The following RTF2 variants were observed in gnomAD, a reference collection of about 807,000 sequenced individuals.
RTF2 encodes the protein UPF0549 protein C20orf43.
RTF2 carries 18 observed loss-of-function variants against 38.0 expected under a neutral mutation model. The observed-to-expected ratio is 0.47, with a 90% CI of 0.33 to 0.70. RTF2 has a LOEUF of 0.70. Ranked by LOEUF, RTF2 falls within the 30% of genes least tolerant of loss-of-function variation. RTF2 has a pLI of 0.02. For missense variants in RTF2, 311 were observed against 379.6 expected, an observed-to-expected ratio of 0.82 and a Z score of 1.50; for synonymous variants, 126 against 137.1, an observed-to-expected ratio of 0.92 and a Z score of 0.57.
chr20:56,495,486 G>T (rs1224935437), intron 5 of RTF2, among the ~76,000 whole-genome samples: 3 of 152,196 alleles, frequency 2.0e-5, no homozygotes, highest in Non-Finnish European at 4.4e-5. Context: ...GCTTTTGGGG[G>T]TGGGAGCATG....
chr20:56,507,769 C>A lies in RTF2; in HGVS notation c.478-5546C>A, dbSNP rs186877630. 9.6e-4 allele frequency among the ~76,000 whole-genome samples: 146 copies of A among 152,278 alleles called. 1 individual carries two copies. The highest frequency in any genetic ancestry group is 3.4e-3 in the African/African-American group (140 of 41,558). On this transcript the variant is annotated intron_variant, in intron 5 of 8. Coordinates refer to ENST00000357348, the MANE Select transcript of RTF2 (RefSeq NM_016407.5). The stretch of plus-strand genomic sequence containing the variant: ...CGCTGGGTTCCTCCCCACCCCTGGG[C>A]CCTTTACGTCATAGCCACAGCTCCA...
At chr20:56,517,302 C>A in intron 8 of RTF2, 101 bp downstream of exon 8, 1 of 864,814 alleles carries the variant, frequency 1.2e-6, no homozygotes, top group Non-Finnish European at 1.9e-6. Flanking sequence ...AAGCCCAAGC[C>A]TGTCCTATGT....
chr20:56,501,212 T>C (rs1480097623), intron 5 of RTF2, among the ~76,000 whole-genome samples: 1 of 152,174 alleles, frequency 6.6e-6, no homozygotes, highest in Non-Finnish European at 1.5e-5. Context: ...ACTTTTTTTT[T>C]TTCCTTTTAA....
chr20:56,517,229 T>A, intron 8 of RTF2, 28 bp downstream of exon 8: 1 of 1,594,738 alleles, frequency 6.3e-7, no homozygotes, highest in African/African-American at 1.3e-5. Flanking sequence ...TACAGGGAGC[T>A]GTTTCGAGAA....
At chr20:56,491,419 G>T in intron 5 of RTF2, 1 of 659,396 alleles carries the variant, frequency 1.5e-6, no homozygotes, top group Admixed American at 2.8e-5. Flanking sequence ...CAATAGTAAA[G>T]TCTTGTCAAT....
chr20:56,486,606 G>A (rs1982805052), intron 5 of RTF2, among the ~76,000 whole-genome samples: 1 of 152,102 alleles, frequency 6.6e-6, no homozygotes, highest in Non-Finnish European at 1.5e-5. Flanking sequence ...CCAAGATTGT[G>A]CCACTGCATT....
chr20:56,475,965 G>A (rs534337166), intron 3 of RTF2, among the ~76,000 whole-genome samples: 4 of 152,340 alleles, frequency 2.6e-5, no homozygotes, highest in Admixed American at 2.0e-4. Flanking sequence ...TCAGTGAGAC[G>A]TGCTCATTCT....
chr20:56,508,357 G>C lies in RTF2; in HGVS notation c.478-4958G>C, dbSNP rs138073643. Among the ~76,000 whole-genome samples the C allele has an allele frequency of 2.9e-3, 439 of 152,226 alleles. 5 individuals are homozygous for C. Among genetic ancestry groups the C allele is most frequent in the African/African-American group, 8.4e-3 (349 of 41,554 alleles). ...TAATGTTTTCTACAAAAGAGATTCC[G>C]GGCATAGTATGTCTGTTATTGCTCT... On this transcript the variant is annotated intron_variant, in intron 5 of 8. Transcript: ENST00000357348.
chr20:56,479,818 C>CT (rs56227133), intron 4 of RTF2, among the ~76,000 whole-genome samples: 51,486 of 140,478 alleles, frequency 0.37, 10,170 homozygotes, highest in Non-Finnish European at 0.43. Context: ...TGAAAGGAAT[C>CT]TTTTTTTTTT....
At chr20:56,484,040 G>A in intron 4 of RTF2, 71 bp from the exon 5 acceptor site, 1 of 1,328,918 alleles carries the variant, frequency 7.5e-7, no homozygotes, top group East Asian at 2.3e-5. Flanking sequence ...CTTGGCCTTT[G>A]TATCAACCGA....
chr20:56,487,127 G>A (rs533249537), intron 5 of RTF2, among the ~76,000 whole-genome samples: 1 of 152,248 alleles, frequency 6.6e-6, no homozygotes, highest in Admixed American at 6.5e-5. Flanking sequence ...CTGTTAGATG[G>A]GTGCACAGTT....
chr20:56,474,696 C>A lies in RTF2; in HGVS notation c.183C>A (p.Ala61=). 1 of 1,607,954 alleles carries A rather than the reference C, an allele frequency of 6.2e-7. No homozygotes were observed. The highest frequency in any genetic ancestry group is 8.5e-7 in the Non-Finnish European group (1 of 1,177,624). The change falls in exon 3 of 9, where the codon GCC becomes GCA. Residue 61 remains alanine, a synonymous_variant. Transcript: ENST00000357348. ...ATTGCAGACTTTATAACAAAGATGC[C>A]GTCATTGAATTTCTCTTGGACAAAT... ...CELGRLYNKD[A]VIEFLLDKSA... is the part of the protein sequence containing the mutation.
chr20:56,470,570 G>C (rs1246750973), intron 1 of RTF2: 2 of 455,874 alleles, frequency 4.4e-6, no homozygotes, highest in African/African-American at 4.0e-5. Flanking sequence ...TAATTTCCTG[G>C]GTGACGGGAT....
chr20:56,493,431 T>C (rs542776877), intron 5 of RTF2, among the ~76,000 whole-genome samples: 1 of 152,132 alleles, frequency 6.6e-6, no homozygotes, highest in East Asian at 1.9e-4. Flanking sequence ...GCCAAAGTGG[T>C]AGGATCACTT....
chr20:56,493,360 T>C (rs1009934274), intron 5 of RTF2, among the ~76,000 whole-genome samples: 2 of 152,118 alleles, frequency 1.3e-5, no homozygotes, highest in African/African-American at 4.8e-5. Context: ...TTAACTACTT[T>C]AATATTATAA....
chr20:56,515,024 C>G, intron 6 of RTF2, among the ~76,000 whole-genome samples: 1 of 146,072 alleles, frequency 6.8e-6, no homozygotes, highest in South Asian at 2.2e-4. Context: ...TCCAGCCTGA[C>G]AGACTCCCTC....
At chr20:56,513,634 C>G (rs540416111) in intron 6 of RTF2, among the ~76,000 whole-genome samples, 1 of 152,148 alleles carries the variant, frequency 6.6e-6, no homozygotes, top group East Asian at 1.9e-4. Context: ...TGCTCTTCCC[C>G]GCCGAGCTTT....
In RTF2 at chr20:56,518,299, T is replaced by C; in HGVS notation, c.*34T>C. The C allele has an allele frequency of 1.3e-6, 2 of 1,591,406 alleles. No homozygotes were observed. Among genetic ancestry groups the C allele is most frequent in the Non-Finnish European group, 1.7e-6 (2 of 1,169,794 alleles). On this transcript the variant is annotated 3_prime_UTR_variant, in exon 9 of 9. Transcript: ENST00000357348. ...CTGCCACCGCTCCTGCCCCAGAAGG[T>C]TGTTTAGTTTCCACGTAGGCAGGTC...
intron 4 of RTF2, among the ~76,000 whole-genome samples, chr20:56,477,992 T>A (rs544972146): frequency 1.5e-4 from 23 of 152,308 alleles, no homozygotes; most frequent in African/African-American, 5.5e-4. Flanking sequence ...TTTTCCTCTT[T>A]AAAAAATACG....
Sources: allele counts gnomAD v4.1 joint callset (sites outside exome capture counted in the v4.1 genomes callset), GRCh38; gene constraint gnomAD v4.1.1; transcripts MANE v1.5; gene names NCBI Gene and HGNC (gene_info 2026-07-23, HGNC 2026-07-21).